Variants in CARM1 observed in about 807,000 individuals in gnomAD.
CARM1 encodes the protein histone-arginine methyltransferase CARM1.
CARM1 carries 14 observed loss-of-function variants against 72.7 expected under a neutral mutation model. The observed-to-expected ratio is 0.19, with a 90% CI of 0.13 to 0.30. The LOEUF (loss-of-function observed/expected upper bound fraction) is 0.30. Ranked by LOEUF, CARM1 falls within the 10% of genes least tolerant of loss-of-function variation. CARM1 has a pLI of 1.00. For missense variants in CARM1, 432 were observed against 833.7 expected, an observed-to-expected ratio of 0.52 and a Z score of 5.93; for synonymous variants, 333 against 345.5, an observed-to-expected ratio of 0.96 and a Z score of 0.40.
intron 1 of CARM1, among the ~76,000 whole-genome samples, chr19:10,894,265 C>T (rs950783816): frequency 7.2e-5 from 11 of 152,164 alleles, no homozygotes; most frequent in Non-Finnish European, 1.0e-4. Context: ...ATGGGAGGGC[C>T]GGGGGTGGCT....
At chr19:10,894,701 C>T (rs1004836545) in intron 1 of CARM1, among the ~76,000 whole-genome samples, 3 of 150,782 alleles carry the variant, frequency 2.0e-5, no homozygotes, top group Non-Finnish European at 3.0e-5. Flanking sequence ...TTCTTCTTGC[C>T]CTCCACCTCC....
chr19:10,906,134 T>C (rs984325100), intron 2 of CARM1, among the ~76,000 whole-genome samples: 6 of 150,344 alleles, frequency 4.0e-5, no homozygotes, highest in African/African-American at 1.2e-4. Context: ...GTTTTTAATA[T>C]AGTAGACATG....
At chr19:10,880,073 A>G (rs1838271686) in intron 1 of CARM1, among the ~76,000 whole-genome samples, 1 of 152,212 alleles carries the variant, frequency 6.6e-6, no homozygotes, top group Non-Finnish European at 1.5e-5. Flanking sequence ...TGAGATGCCA[A>G]GCCTCACACA....
At chr19:10,883,319 G>A (rs1385211277) in intron 1 of CARM1, among the ~76,000 whole-genome samples, 2 of 152,156 alleles carry the variant, frequency 1.3e-5, no homozygotes, top group Non-Finnish European at 2.9e-5. Flanking sequence ...ACACAGAGTA[G>A]CCCTGGGAAT....
Position 10,889,855 on chromosome 19 carries a change from G to C in CARM1, c.221-15096G>C, listed in dbSNP as rs368488967. On this transcript the variant is annotated intron_variant, in intron 1 of 15. Coordinates refer to ENST00000327064, the MANE Select transcript of CARM1 (RefSeq NM_199141.2). ...GTGCACTTCCCACCCTCATTTTAAGGAAACCTTGCCCATGGAATGAAGCCC... is the reference window on the plus strand; with the variant it reads ...GTGCACTTCCCACCCTCATTTTAAGCAAACCTTGCCCATGGAATGAAGCCC... 9.9e-5 allele frequency among the ~76,000 whole-genome samples: 15 copies of C among 152,232 alleles called. No homozygotes were observed. The East Asian group carries it at 2.3e-3, about 24-fold the overall frequency.
chr19:10,908,272 C>A, intron 3 of CARM1, 127 bp downstream of exon 3: 1 of 634,304 alleles, frequency 1.6e-6, no homozygotes, highest in Non-Finnish European at 2.8e-6. Flanking sequence ...CCCTTACTGG[C>A]CATGTAGCCT....
At chr19:10,873,279 G>A (rs1441996005) in intron 1 of CARM1, among the ~76,000 whole-genome samples, 5 of 152,146 alleles carry the variant, frequency 3.3e-5, no homozygotes, top group African/African-American at 1.2e-4. Flanking sequence ...TTCCAGGAGA[G>A]TTGGCTATCA....
chr19:10,878,874 T>G (rs2073881706), intron 1 of CARM1, among the ~76,000 whole-genome samples: 1 of 150,950 alleles, frequency 6.6e-6, no homozygotes, highest in African/African-American at 2.4e-5. Flanking sequence ...TGGTGTGATC[T>G]CAGCTCACTG....
intron 4 of CARM1, 106 bp downstream of exon 4, chr19:10,909,313 C>T (rs1342733437): frequency 2.8e-6 from 2 of 725,982 alleles, no homozygotes; most frequent in African/African-American, 1.8e-5. Flanking sequence ...ATGCATTTAT[C>T]TCAGTTACTG....
intron 1 of CARM1, among the ~76,000 whole-genome samples, chr19:10,877,090 C>T (rs998405952): frequency 1.3e-5 from 2 of 152,032 alleles, no homozygotes; most frequent in Non-Finnish European, 2.9e-5. Flanking sequence ...AACCAGGGGC[C>T]CTTGTGACTT....
intron 1 of CARM1, among the ~76,000 whole-genome samples, chr19:10,881,671 GC>G (rs1460076603): frequency 6.6e-6 from 1 of 151,886 alleles, no homozygotes; most frequent in Non-Finnish European, 1.5e-5. Context: ...CAGTGGAGCT[GC>G]AGAGAGAGCA....
Position 10,871,992 on chromosome 19 carries a change from G to A in CARM1, c.220+70G>A. On this transcript the variant is annotated intron_variant, in intron 1 of 15. Transcript: ENST00000327064. The surrounding 1 kb of genome is among the most constrained non-coding windows in gnomAD (Gnocchi z 5.6). ...CGAGGCCGGCCCGGGGCGGGGGCCG[G>A]CGGGGAGGGGCCCTGAGCGCGGGGG... The A allele has an allele frequency of 1.8e-6, 2 of 1,138,030 alleles. No individual in the cohort carries two copies. The highest frequency in any genetic ancestry group is 1.1e-6 in the Non-Finnish European group (1 of 922,078). 70.5% of individuals were successfully genotyped at this position (1,138,030 alleles called of 1,614,324 possible).
intron 1 of CARM1, among the ~76,000 whole-genome samples, chr19:10,884,273 G>T (rs2073924263): frequency 6.6e-6 from 1 of 151,388 alleles, no homozygotes; most frequent in African/African-American, 2.4e-5. Context: ...CCCAGGAGAT[G>T]GAGGTTGTGG....
Position 10,920,776 on chromosome 19 carries a change from G to A in CARM1, c.1424+28G>A. 3 of 1,613,714 alleles carry A rather than the reference G, an allele frequency of 1.9e-6. No individual in the cohort carries two copies. The highest frequency in any genetic ancestry group is 1.3e-5 in the African/African-American group (1 of 75,038). Reference sequence around the variant, plus strand: ...AGGAGGGGCCCCTTGCCTGCACAGGGGGGCGCCCCGGCCCTGCAACCCCCT... The same window carrying A: ...AGGAGGGGCCCCTTGCCTGCACAGGAGGGCGCCCCGGCCCTGCAACCCCCT... On this transcript the variant is annotated intron_variant, in intron 12 of 15. Coordinates refer to ENST00000327064, the MANE Select transcript of CARM1 (RefSeq NM_199141.2). The surrounding 1 kb of genome is among the most constrained non-coding windows in gnomAD (Gnocchi z 5.3).
intron 1 of CARM1, among the ~76,000 whole-genome samples, chr19:10,890,732 CAT>C (rs1261093845): frequency 4.3e-5 from 6 of 140,654 alleles, no homozygotes; most frequent in Non-Finnish European, 7.6e-5. Flanking sequence ...TATATAGACA[CAT>C]ATATACACAT....
chr19:10,909,457 C>G (rs2074129638), intron 4 of CARM1, among the ~76,000 whole-genome samples: 1 of 149,054 alleles, frequency 6.7e-6, no homozygotes, highest in Admixed American at 6.7e-5. Context: ...TAAACAAGGC[C>G]AGGCGCGGTG....
At chr19:10,880,577 C>T (rs1364487612) in intron 1 of CARM1, among the ~76,000 whole-genome samples, 2 of 144,084 alleles carry the variant, frequency 1.4e-5, no homozygotes, top group Middle Eastern at 3.5e-3. Flanking sequence ...GGATGTGGAA[C>T]TCCTGGGCTC....
At chr19:10,882,499 T>C (rs1396491126) in intron 1 of CARM1, among the ~76,000 whole-genome samples, 1 of 149,664 alleles carries the variant, frequency 6.7e-6, no homozygotes, top group Non-Finnish European at 1.5e-5. Context: ...CCTGCCCAAG[T>C]CGGACACAGC....
At chr19:10,878,605 G>C (rs1214677187) in intron 1 of CARM1, among the ~76,000 whole-genome samples, 1 of 152,130 alleles carries the variant, frequency 6.6e-6, no homozygotes, top group Non-Finnish European at 1.5e-5. Flanking sequence ...TGGCATTCTG[G>C]GTGACTGGAT....
Sources: gnomAD v4.1 joint callset for allele counts (sites outside exome capture counted in the v4.1 genomes callset) on GRCh38, gnomAD v4.1.1 for gene constraint, Gnocchi (gnomAD v3.1) non-coding constraint, MANE v1.5 for transcripts, NCBI Gene and HGNC (gene_info 2026-07-23, HGNC 2026-07-21) for gene names.